Variants in KIF6 observed in about 807,000 individuals in gnomAD.
The protein encoded by KIF6 is kinesin-like protein KIF6.
In KIF6, 106 loss-of-function variants were observed where a neutral mutation model predicts 112.7. That is an observed-to-expected ratio of 0.94 (90% CI 0.80 to 1.11). KIF6 has a LOEUF of 1.11. Ranked by LOEUF, KIF6 falls within the 50% of genes least tolerant of loss-of-function variation. KIF6 has a pLI of 0.00. For missense variants in KIF6, 929 were observed against 964.0 expected (o/e 0.96, Z 0.48); for synonymous variants, 339 against 339.9 (o/e 1.00, Z 0.03).
intron 1 of KIF6, among the ~76,000 whole-genome samples, chr6:39,722,854 T>A (rs1329036004): frequency 6.6e-6 from 1 of 152,198 alleles, no homozygotes; most frequent in African/African-American, 2.4e-5. Flanking sequence ...AACTACTTCC[T>A]GGAGGATCAA....
chr6:39,513,564 C>T (rs1776901136), intron 13 of KIF6, among the ~76,000 whole-genome samples: 1 of 152,186 alleles, frequency 6.6e-6, no homozygotes, highest in African/African-American at 2.4e-5. Context: ...CATCACGTTT[C>T]CATCTAGTCT....
chr6:39,575,624 C>T (rs780245401), intron 10 of KIF6, among the ~76,000 whole-genome samples: 9 of 152,150 alleles, frequency 5.9e-5, no homozygotes, highest in African/African-American at 2.2e-4. Flanking sequence ...CTAAAGACAG[C>T]AACTGGTCTT....
intron 15 of KIF6, 85 bp from the exon 16 acceptor site, chr6:39,385,757 A>C: frequency 8.0e-6 from 3 of 374,580 alleles, no homozygotes; most frequent in Non-Finnish European, 9.3e-6. Flanking sequence ...CAAGCTACAG[A>C]AAAAAAAAAA....
intron 3 of KIF6, among the ~76,000 whole-genome samples, chr6:39,702,513 T>G (rs1004655895): frequency 6.6e-6 from 1 of 152,222 alleles, no homozygotes; most frequent in Non-Finnish European, 1.5e-5. Flanking sequence ...ATTGGATGCT[T>G]GCCCAATATG....
chr6:39,632,507 C>G (rs1483830423), intron 5 of KIF6, among the ~76,000 whole-genome samples: 2 of 151,720 alleles, frequency 1.3e-5, no homozygotes, highest in Non-Finnish European at 2.9e-5. Context: ...AACCAGAGAG[C>G]TAGAATTTCA....
chr6:39,705,700 G>C (rs763199234), intron 3 of KIF6, among the ~76,000 whole-genome samples: 1 of 152,192 alleles, frequency 6.6e-6, no homozygotes, highest in African/African-American at 2.4e-5. Flanking sequence ...CCAATAATGG[G>C]CAGGAGTGGT....
At chr6:39,447,107 T>G (rs900635732) in intron 13 of KIF6, among the ~76,000 whole-genome samples, 1 of 152,220 alleles carries the variant, frequency 6.6e-6, no homozygotes, top group African/African-American at 2.4e-5. Context: ...GTTAGCAATG[T>G]AGGGAGAGAC....
intron 13 of KIF6, among the ~76,000 whole-genome samples, chr6:39,519,611 G>A (rs975090699): frequency 2.6e-5 from 4 of 152,064 alleles, no homozygotes; most frequent in African/African-American, 9.7e-5. Flanking sequence ...GCGAGTCTAG[G>A]AAGGGAAATG....
At chr6:39,362,616 G>A in intron 16 of KIF6, 98 bp from the exon 17 acceptor site, 2 of 908,236 alleles carry the variant, frequency 2.2e-6, no homozygotes, top group Non-Finnish European at 3.7e-6. Flanking sequence ...ACCCCAAGAA[G>A]AAAGGAGCCT....
At chr6:39,512,973 G>A (rs1283004602) in intron 13 of KIF6, among the ~76,000 whole-genome samples, 1 of 152,138 alleles carries the variant, frequency 6.6e-6, no homozygotes, top group Non-Finnish European at 1.5e-5. Context: ...ACCCAAAGAG[G>A]AAAGTACCAT....
At chr6:39,380,233 G>A (rs954905499) in intron 16 of KIF6, among the ~76,000 whole-genome samples, 1 of 152,118 alleles carries the variant, frequency 6.6e-6, no homozygotes, top group Non-Finnish European at 1.5e-5. Context: ...ATAGTGTGTG[G>A]GAGTCAGCCC....
intron 10 of KIF6, among the ~76,000 whole-genome samples, chr6:39,566,470 A>G (rs1780284075): frequency 6.6e-6 from 1 of 152,222 alleles, no homozygotes; most frequent in Admixed American, 6.5e-5. Context: ...TGTGGACAGT[A>G]AGATGCAAAG....
In KIF6 at chr6:39,343,830, G is replaced by T; in HGVS notation, c.2322-15C>A. 1 of 1,507,434 alleles carries T rather than the reference G, an allele frequency of 6.6e-7. No individual in the cohort carries two copies. Among genetic ancestry groups the T allele is most frequent in the Non-Finnish European group, 9.1e-7 (1 of 1,098,932 alleles). The allele number at this position is 1,507,434 out of a possible 1,614,324, so 93.4% of individuals were successfully genotyped here. On this transcript the variant is annotated splice_polypyrimidine_tract_variant and intron_variant, in intron 21 of 22. Coordinates refer to ENST00000287152, the MANE Select transcript of KIF6 (RefSeq NM_145027.6). This position sits in a 1 kb window ranked among gnomAD's most constrained non-coding sequence, Gnocchi z 4.1. ...TCTTGGGGATGCTGGAGGCAACCAC[G>T]TGTCACATTTTACTACACTTTACAA...
chr6:39,330,099 C>T lies in KIF6; in HGVS notation c.*6433G>A, dbSNP rs1218921394. 6.6e-6 allele frequency: 1 copy of T among 152,140 alleles called. No homozygotes were observed. The highest frequency in any genetic ancestry group is 1.5e-5 in the Non-Finnish European group (1 of 68,022). 9.4% of individuals were successfully genotyped at this position (152,140 alleles called of 1,614,324 possible). On this transcript the variant is annotated 3_prime_UTR_variant, in exon 23 of 23. Transcript: ENST00000287152. Reference sequence around the variant, plus strand: ...GTTAGCGCAGGTCTGGTGGCCCAATCCCAGGTAGTGCCATAAAAGAAATGC... The same window carrying T: ...GTTAGCGCAGGTCTGGTGGCCCAATTCCAGGTAGTGCCATAAAAGAAATGC...
At chr6:39,356,835 C>T (rs560609661) in intron 19 of KIF6, among the ~76,000 whole-genome samples, 6 of 152,264 alleles carry the variant, frequency 3.9e-5, no homozygotes, top group African/African-American at 1.4e-4. Context: ...CTGGGCCATC[C>T]TCATGTGGTG....
intron 16 of KIF6, among the ~76,000 whole-genome samples, chr6:39,385,370 A>G (rs1039025236): frequency 7.2e-5 from 11 of 152,004 alleles, no homozygotes; most frequent in African/African-American, 2.7e-4. Flanking sequence ...GTGGGAAAGG[A>G]GGGGAGGATG....
chr6:39,721,210 T>C (rs1790196809), intron 1 of KIF6, among the ~76,000 whole-genome samples: 1 of 152,166 alleles, frequency 6.6e-6, no homozygotes, highest in African/African-American at 2.4e-5. Flanking sequence ...ATTTACAAAA[T>C]ACCAGAGATA....
rs141670946 is a variant in KIF6, at chr6:39,524,938, T to A, written c.1645+15065A>T. ...CTGGCAAAGTAATTTGGGGATGCAATGTTCAATAAAATGAAAATTATCTGT... is the reference window on the plus strand; with the variant it reads ...CTGGCAAAGTAATTTGGGGATGCAAAGTTCAATAAAATGAAAATTATCTGT... On this transcript the variant is annotated intron_variant, in intron 13 of 22. Transcript: ENST00000287152. Among the ~76,000 whole-genome samples, 66 of 152,320 alleles carry A rather than the reference T, an allele frequency of 4.3e-4. 1 individual carries two copies. The highest frequency in any genetic ancestry group is 6.8e-3 in the Middle Eastern group (2 of 294).
intron 16 of KIF6, among the ~76,000 whole-genome samples, chr6:39,374,101 A>C (rs879697695): frequency 5.9e-5 from 9 of 152,204 alleles, no homozygotes; most frequent in Non-Finnish European, 1.2e-4. Context: ...ATTTTTGACC[A>C]AGGTGCCAAG....
Sources: gnomAD v4.1 joint callset for allele counts (sites outside exome capture counted in the v4.1 genomes callset) on GRCh38, gnomAD v4.1.1 for gene constraint, Gnocchi (gnomAD v3.1) non-coding constraint, MANE v1.5 for transcripts, NCBI Gene and HGNC (gene_info 2026-07-23, HGNC 2026-07-21) for gene names.